Variants in PTPRZ1 observed in about 807,000 individuals in gnomAD.
PTPRZ1 encodes the protein receptor-type tyrosine-protein phosphatase zeta.
In PTPRZ1, 82 loss-of-function variants were observed where a neutral mutation model predicts 214.1. That is an observed-to-expected ratio of 0.38 (90% CI 0.32 to 0.46). PTPRZ1 has a LOEUF of 0.46. Ranked by LOEUF, PTPRZ1 falls within the 20% of genes least tolerant of loss-of-function variation. The pLI, the probability that PTPRZ1 is intolerant of heterozygous loss-of-function variation, is 1.00. For synonymous variants in PTPRZ1, 945 were observed against 987.9 expected (o/e 0.96, Z 0.81); for missense variants, 2,603 against 2,748.7 (o/e 0.95, Z 1.19).
chr7:122,053,383 T>C (rs1182615252), intron 25 of PTPRZ1, among the ~76,000 whole-genome samples: 1 of 152,186 alleles, frequency 6.6e-6, no homozygotes, highest in Non-Finnish European at 1.5e-5. Context: ...ATGGTCACTA[T>C]GGAGCAGTTT....
chr7:122,023,786 A>G (rs1222137279), intron 13 of PTPRZ1, among the ~76,000 whole-genome samples: 1 of 106,998 alleles, frequency 9.3e-6, no homozygotes, highest in African/African-American at 3.8e-5. Context: ...AATATATATT[A>G]TATGTATAAT....
chr7:122,040,502 A>G (rs1022487950), intron 20 of PTPRZ1, among the ~76,000 whole-genome samples: 5 of 152,190 alleles, frequency 3.3e-5, no homozygotes, highest in African/African-American at 1.2e-4. Context: ...ATTATGGACT[A>G]TGATTTGCTT....
intron 1 of PTPRZ1, among the ~76,000 whole-genome samples, chr7:121,876,785 A>G (rs1794076426): frequency 6.6e-6 from 1 of 152,114 alleles, no homozygotes; most frequent in Non-Finnish European, 1.5e-5. Context: ...AAATCATTTC[A>G]TTGATGAATT....
rs1349488834 is a variant in PTPRZ1, at chr7:122,052,952, C to A, written c.6253-958C>A. Among the ~76,000 whole-genome samples, 3 of 152,092 alleles carry A rather than the reference C, an allele frequency of 2.0e-5. No homozygotes were observed. In the East Asian group the frequency reaches 5.8e-4, roughly 29 times the overall value. On this transcript the variant is annotated intron_variant, in intron 25 of 29. Transcript: ENST00000393386. ...TCTCTATCAGCTTAGCTGATAGCTA[C>A]CATTCTCAGTGACCACCAGATGCCC...
At chr7:121,912,100 G>T (rs908643606) in intron 1 of PTPRZ1, among the ~76,000 whole-genome samples, 1 of 152,128 alleles carries the variant, frequency 6.6e-6, no homozygotes, top group Non-Finnish European at 1.5e-5. Context: ...GAAGATGTCC[G>T]TAATTGAACA....
At chr7:121,960,164 G>A (rs1054935980) in intron 2 of PTPRZ1, among the ~76,000 whole-genome samples, 2 of 152,130 alleles carry the variant, frequency 1.3e-5, no homozygotes, top group Non-Finnish European at 1.5e-5. Context: ...TCAGCCTCCC[G>A]ATTAGCTGTA....
intron 23 of PTPRZ1, among the ~76,000 whole-genome samples, chr7:122,049,038 G>A (rs1245682504): frequency 6.6e-6 from 1 of 151,978 alleles, no homozygotes; most frequent in African/African-American, 2.4e-5. Flanking sequence ...TTCCAAAAAT[G>A]AAATGATGGT....
chr7:121,897,623 T>C lies in PTPRZ1; in HGVS notation c.58+24066T>C, dbSNP rs146787297. Reference sequence around the variant, plus strand: ...ATTTCACCAAAATCCCTCCTTCTGCTAGCTAGAAGATCTTGTTCACTTTCT... The same window carrying C: ...ATTTCACCAAAATCCCTCCTTCTGCCAGCTAGAAGATCTTGTTCACTTTCT... On this transcript the variant is annotated intron_variant, in intron 1 of 29. Coordinates refer to ENST00000393386, the MANE Select transcript of PTPRZ1 (RefSeq NM_002851.3). Among the ~76,000 whole-genome samples, 375 of 152,356 alleles carry C rather than the reference T, an allele frequency of 2.5e-3. 2 individuals are homozygous for C. The highest frequency in any genetic ancestry group is 8.5e-3 in the African/African-American group (353 of 41,596).
chr7:122,025,088 C>A (rs1799168154), intron 13 of PTPRZ1, among the ~76,000 whole-genome samples: 1 of 152,126 alleles, frequency 6.6e-6, no homozygotes, highest in East Asian at 1.9e-4. Context: ...AAATATTGAA[C>A]ACCTATTCTA....
chr7:122,044,479 G>C lies in PTPRZ1; in HGVS notation c.5995G>C (p.Glu1999Gln). The change falls in exon 23 of 30, where the codon GAG becomes CAG. Residue 1999 changes from glutamate to glutamine, a missense_variant. By Grantham distance (29) the Glu-to-Gln change is conservative. Transcript: ENST00000393386. ...TGAGGCCATACTTAGTAAAGAAACT[G>C]AGGTGCTGGACAGTCATATTCATGC... is the stretch of plus-strand genomic sequence containing the variant. ...LVEAILSKETEVLDSHIHAYV... is the reference protein window; with the variant it reads ...LVEAILSKETQVLDSHIHAYV... 6.2e-7 allele frequency: 1 copy of C among 1,613,912 alleles called. No individual in the cohort carries two copies. The highest frequency in any genetic ancestry group is 1.1e-5 in the South Asian group (1 of 91,072).
At position 122,026,698 on chromosome 7, in the gene PTPRZ1, T is replaced by C. The variant is rs142453227; in HGVS notation, c.4989-1854T>C. On this transcript the variant is annotated intron_variant, in intron 13 of 29. Transcript: ENST00000393386. ...TTCGACCTGCTCTCTCTTGAAGATATTTCTGTGTTCTCTCAATATATCTTC... is the reference window on the plus strand; with the variant it reads ...TTCGACCTGCTCTCTCTTGAAGATACTTCTGTGTTCTCTCAATATATCTTC... Among the ~76,000 whole-genome samples, 507 of 152,334 alleles carry C rather than the reference T, an allele frequency of 3.3e-3. 2 individuals are homozygous for C. The highest frequency in any genetic ancestry group is 0.012 in the African/African-American group (494 of 41,588).
In PTPRZ1 at chr7:121,920,161, GTTAT is replaced by G. The variant is rs1289366585; in HGVS notation, c.59-7992_59-7989del. 5.3e-5 allele frequency among the ~76,000 whole-genome samples: 8 copies of G among 152,020 alleles called. No homozygotes were observed. The South Asian group carries it at 1.5e-3, about 28-fold the overall frequency. ...GGAATCCCATTGTATCCTCTAATTGGTTATTTGAGTGTGCCAGTTGTCCAGAACT... is the reference window on the plus strand; with the variant it reads ...GGAATCCCATTGTATCCTCTAATTGGTTGAGTGTGCCAGTTGTCCAGAACT... On this transcript the variant is annotated intron_variant, in intron 1 of 29. Transcript: ENST00000393386.
Position 121,995,131 on chromosome 7 carries a change from C to T in PTPRZ1, c.929-1251C>T, listed in dbSNP as rs149602732. Among the ~76,000 whole-genome samples the T allele has an allele frequency of 1.2e-4, 18 of 152,072 alleles. No homozygotes were observed. The East Asian group carries it at 3.3e-3, about 28-fold the overall frequency. On this transcript the variant is annotated intron_variant, in intron 8 of 29. Coordinates refer to ENST00000393386, the MANE Select transcript of PTPRZ1 (RefSeq NM_002851.3). ...TAAAATTTGTTTCCATTTGTAAGACCAATTGTTAGTTGTGGGTGCCCTCCG... is the reference window on the plus strand; with the variant it reads ...TAAAATTTGTTTCCATTTGTAAGACTAATTGTTAGTTGTGGGTGCCCTCCG...
chr7:121,946,638 G>T (rs1382045969), intron 2 of PTPRZ1, among the ~76,000 whole-genome samples: 1 of 152,072 alleles, frequency 6.6e-6, no homozygotes, highest in East Asian at 1.9e-4. Flanking sequence ...ATGAGATATT[G>T]CTATAACTTC....
chr7:121,958,001 CTTTCT>C (rs1796762156), intron 2 of PTPRZ1, among the ~76,000 whole-genome samples: 1 of 152,122 alleles, frequency 6.6e-6, no homozygotes, highest in Non-Finnish European at 1.5e-5. Context: ...ACTTCAAACT[CTTTCT>C]TTTAATAATT....
intron 8 of PTPRZ1, among the ~76,000 whole-genome samples, chr7:121,991,891 G>A (rs535772757): frequency 1.3e-5 from 2 of 152,328 alleles, no homozygotes; most frequent in African/African-American, 4.8e-5. Flanking sequence ...TGCCTGAGGA[G>A]AAGTCACAAC....
chr7:121,898,044 T>C (rs915493158), intron 1 of PTPRZ1, among the ~76,000 whole-genome samples: 9 of 152,072 alleles, frequency 5.9e-5, no homozygotes, highest in Non-Finnish European at 1.3e-4. Flanking sequence ...AAATGTAGAA[T>C]GTACCACTTC....
In PTPRZ1 at chr7:121,928,313, A is replaced by G. The variant is rs1174759558; in HGVS notation, c.124+92A>G. On this transcript the variant is annotated intron_variant, in intron 2 of 29. Coordinates refer to ENST00000393386, the MANE Select transcript of PTPRZ1 (RefSeq NM_002851.3). ...ATAAAAGGAAGCTTTGTAGCACAAC[A>G]CATCATGTCAACTTAGCTAAATGGA... The G allele has an allele frequency of 4.8e-6, 4 of 836,630 alleles. No homozygotes were observed. The East Asian group carries it at 1.0e-4, about 22-fold the overall frequency. 51.8% of individuals were successfully genotyped at this position (836,630 alleles called of 1,614,324 possible). A position where few individuals can be genotyped will look rare whatever the true frequency, so the allele number is the denominator to read the frequency against.
intron 1 of PTPRZ1, among the ~76,000 whole-genome samples, chr7:121,913,197 G>A (rs1220982537): frequency 2.0e-5 from 3 of 152,130 alleles, no homozygotes; most frequent in African/African-American, 7.2e-5. Context: ...CTTGGGATTG[G>A]GTGAGGAGGC....
Sources: allele counts gnomAD v4.1 joint callset (sites outside exome capture counted in the v4.1 genomes callset), GRCh38; gene constraint gnomAD v4.1.1; transcripts MANE v1.5; gene names NCBI Gene and HGNC (gene_info 2026-07-23, HGNC 2026-07-21).